Variants in TENM4 observed in about 807,000 individuals in gnomAD.
TENM4 encodes the protein teneurin-4.
In TENM4, 82 loss-of-function variants were observed where a neutral mutation model predicts 243.3. That is an observed-to-expected ratio of 0.34 (90% CI 0.28 to 0.40). TENM4 has a LOEUF of 0.40. Among genes scored for constraint, TENM4 ranks in the 10% least tolerant of loss-of-function variants. The pLI, the probability that TENM4 is intolerant of heterozygous loss-of-function variation, is 1.00. For synonymous variants in TENM4, 1,412 were observed against 1,456.3 expected (o/e 0.97, Z 0.69); for missense variants, 3,138 against 3,673.3 (o/e 0.85, Z 3.77).
Position 78,669,295 on chromosome 11 carries a change from C to A in TENM4, c.7050G>T (p.Leu2350=). 6.2e-7 allele frequency: 1 copy of A among 1,613,978 alleles called. No individual in the cohort carries two copies. Among genetic ancestry groups the A allele is most frequent in the Non-Finnish European group, 8.5e-7 (1 of 1,179,882 alleles). Residue 2350 remains leucine (L), a synonymous_variant, in exon 32 of 34, where the codon CTG becomes CTT. Coordinates refer to ENST00000278550, the MANE Select transcript of TENM4 (RefSeq NM_001098816.3). This position sits in a 1 kb window ranked among gnomAD's most constrained non-coding sequence, Gnocchi z 6.4. ...DLQGHLFAME[L]SSGDEFYIAC... ...CTATGTAAAACTCATCACCACTGCT[C>A]AGCTCCATGGCAAAGAGGTGTCCTT...
intron 2 of TENM4, among the ~76,000 whole-genome samples, chr11:79,285,623 A>G (rs781429215): frequency 6.6e-6 from 1 of 152,174 alleles, no homozygotes; most frequent in East Asian, 1.9e-4. Flanking sequence ...ATCAACTGAT[A>G]AATGGATAAA....
intron 3 of TENM4, among the ~76,000 whole-genome samples, chr11:79,200,139 A>T (rs970408288): frequency 6.6e-6 from 1 of 152,226 alleles, no homozygotes; most frequent in African/African-American, 2.4e-5. Flanking sequence ...TAAAAATAGC[A>T]GTGGTTATTC....
intron 19 of TENM4, among the ~76,000 whole-genome samples, chr11:78,738,830 C>G (rs1855857846): frequency 6.6e-6 from 1 of 152,206 alleles, no homozygotes. Context: ...TCTAAGGATA[C>G]TGTATTATGC....
chr11:79,064,865 CA>C lies in TENM4; in HGVS notation c.365del (p.Val122GlyfsTer79). ...GSDADMEADT[V>X]LSPEHPVRLW... ...GACGCACGGGGTGCTCAGGGGACAG[CA>C]CCGTGTCAGCCTCCATGTCGGCATC... On this transcript the variant is annotated frameshift_variant, in exon 6 of 34. Transcript: ENST00000278550. LOFTEE classifies it high-confidence loss of function. 6.4e-7 allele frequency: 1 copy of C among 1,551,056 alleles called. No individual in the cohort carries two copies. Among genetic ancestry groups the C allele is most frequent in the Admixed American group, 2.0e-5 (1 of 50,958 alleles).
intron 17 of TENM4, among the ~76,000 whole-genome samples, chr11:78,778,131 T>A (rs1856772479): frequency 2.0e-5 from 3 of 152,144 alleles, no homozygotes; most frequent in Non-Finnish European, 4.4e-5. Context: ...GCTCCATAGA[T>A]GCTCGTTGGA....
At position 78,712,498 on chromosome 11, in the gene TENM4, T is replaced by C. The variant is rs750760323; in HGVS notation, c.4038A>G (p.Thr1346=). 1 of 1,613,924 alleles carries C rather than the reference T, an allele frequency of 6.2e-7. No homozygotes were observed. The highest frequency in any genetic ancestry group is 1.3e-5 in the African/African-American group (1 of 75,032). Residue 1346 remains threonine (T), a synonymous_variant, in exon 26 of 34, where the codon ACA becomes ACG. Coordinates refer to ENST00000278550, the MANE Select transcript of TENM4 (RefSeq NM_001098816.3). The part of the protein sequence containing the change: ...CGDGGKATEA[T]LTNPRGITVD... Reference sequence around the variant, plus strand: ...AGGCCTTACCCCTGGGATTGGTGAGTGTGGCTTCTGTGGCCTTCCCACCAT... The same window carrying C: ...AGGCCTTACCCCTGGGATTGGTGAGCGTGGCTTCTGTGGCCTTCCCACCAT...
intron 12 of TENM4, among the ~76,000 whole-genome samples, chr11:78,821,521 C>T (rs1415728063): frequency 6.6e-5 from 10 of 152,120 alleles, no homozygotes; most frequent in Admixed American, 2.0e-4. Context: ...AACAGTGATA[C>T]GAAGCTGAAT....
intron 6 of TENM4, among the ~76,000 whole-genome samples, chr11:78,959,784 T>C (rs1857279124): frequency 6.6e-6 from 1 of 152,122 alleles, no homozygotes; most frequent in African/African-American, 2.4e-5. Flanking sequence ...AATAATGCAA[T>C]AATGTCATCA....
At chr11:79,386,531 T>C (rs908026772) in intron 1 of TENM4, among the ~76,000 whole-genome samples, 1 of 151,848 alleles carries the variant, frequency 6.6e-6, no homozygotes, top group East Asian at 1.9e-4. Flanking sequence ...TGCCAGAATA[T>C]ATAAAGAATT....
intron 6 of TENM4, among the ~76,000 whole-genome samples, chr11:79,011,452 G>A (rs1591205842): frequency 6.6e-6 from 1 of 152,296 alleles, no homozygotes; most frequent in Non-Finnish European, 1.5e-5. Context: ...CTAGTTGCCT[G>A]CCCAAGACTC....
chr11:79,374,032 C>A (rs1449500043), intron 1 of TENM4, among the ~76,000 whole-genome samples: 8 of 151,990 alleles, frequency 5.3e-5, no homozygotes, highest in Admixed American at 4.6e-4. Context: ...GGTTGATGGA[C>A]CAGGAACAAT....
At chr11:78,911,782 C>A (rs139907711) in intron 6 of TENM4, among the ~76,000 whole-genome samples, 172 of 152,312 alleles carry the variant, frequency 1.1e-3, no homozygotes, top group African/African-American at 4.0e-3. Context: ...GCCCCCTGGA[C>A]TTTGGATTTC....
At chr11:79,023,826 C>T (rs1334186888) in intron 6 of TENM4, among the ~76,000 whole-genome samples, 1 of 152,124 alleles carries the variant, frequency 6.6e-6, no homozygotes, top group African/African-American at 2.4e-5. Flanking sequence ...CATGGCTGGA[C>T]AGTTGGGCAG....
chr11:78,889,327 A>G (rs977630065), intron 9 of TENM4, among the ~76,000 whole-genome samples: 23 of 152,134 alleles, frequency 1.5e-4, no homozygotes, highest in African/African-American at 4.6e-4. Flanking sequence ...CTTTCCTGCC[A>G]GTTTCCCTCC....
chr11:78,694,443 G>C (rs1467674987), intron 28 of TENM4, among the ~76,000 whole-genome samples: 1 of 152,128 alleles, frequency 6.6e-6, no homozygotes, highest in Non-Finnish European at 1.5e-5. Flanking sequence ...TTAAAACCTT[G>C]TACTTGCTGT....
intron 12 of TENM4, among the ~76,000 whole-genome samples, chr11:78,821,673 T>TA (rs1184173352): frequency 6.6e-6 from 1 of 152,200 alleles, no homozygotes; most frequent in Non-Finnish European, 1.5e-5. Flanking sequence ...ACATTTCAAA[T>TA]AAAGAATTCT....
intron 6 of TENM4, among the ~76,000 whole-genome samples, chr11:78,996,639 C>A (rs1858178758): frequency 6.6e-6 from 1 of 152,176 alleles, no homozygotes; most frequent in Non-Finnish European, 1.5e-5. Flanking sequence ...AGCTCTGAGC[C>A]TTATTGGGAA....
intron 2 of TENM4, among the ~76,000 whole-genome samples, chr11:79,217,316 A>G (rs946118726): frequency 1.3e-5 from 2 of 152,000 alleles, no homozygotes; most frequent in Non-Finnish European, 2.9e-5. Flanking sequence ...ATACTGCCAC[A>G]CTCACCCATA....
At chr11:79,193,313 T>C (rs1266465589) in intron 3 of TENM4, among the ~76,000 whole-genome samples, 6 of 152,166 alleles carry the variant, frequency 3.9e-5, no homozygotes, top group African/African-American at 1.4e-4. Flanking sequence ...GGAACTCAGG[T>C]GTCAGTGAGG....
Sources: gnomAD v4.1 joint callset for allele counts (sites outside exome capture counted in the v4.1 genomes callset) on GRCh38, gnomAD v4.1.1 for gene constraint, Gnocchi (gnomAD v3.1) non-coding constraint, MANE v1.5 for transcripts, NCBI Gene and HGNC (gene_info 2026-07-23, HGNC 2026-07-21) for gene names.